ATXN8OS: variants seen among roughly 807,000 people sequenced by gnomAD.
ATXN8OS encodes the protein ATXN8 opposite strand (non-protein coding).
chr13:70,157,036 G>A (rs1888945939), intron 4 of ATXN8OS, among the ~76,000 whole-genome samples: 1 of 152,002 alleles, frequency 6.6e-6, no homozygotes, highest in Admixed American at 6.6e-5. Flanking sequence ...TATAATAATA[G>A]AGACAAAAGA....
chr13:70,110,507 CAA>C (rs1280059096), intron 1 of ATXN8OS, among the ~76,000 whole-genome samples: 2 of 126,206 alleles, frequency 1.6e-5, no homozygotes, highest in African/African-American at 6.1e-5. Context: ...GAAAATAAAA[CAA>C]GAAAAAAAAA....
intron 4 of ATXN8OS, among the ~76,000 whole-genome samples, chr13:70,166,234 C>G (rs1889073766): frequency 6.6e-6 from 1 of 151,932 alleles, no homozygotes; most frequent in Admixed American, 6.6e-5. Flanking sequence ...AAGAACAAAC[C>G]AGGAGGCATC....
intron 4 of ATXN8OS, among the ~76,000 whole-genome samples, chr13:70,159,316 T>C (rs1356616675): frequency 6.6e-6 from 1 of 152,054 alleles, no homozygotes; most frequent in Non-Finnish European, 1.5e-5. Flanking sequence ...GCTTTTTTAT[T>C]ATTGCTAGTG....
Position 70,160,856 on chromosome 13 carries a change from A to T in ATXN8OS, n.574-8897A>T, listed in dbSNP as rs1280128233. ...ATATATATAAATATATTTATATTTT[A>T]TGTCTCTTTATTCAAAATATACCTA... is the stretch of plus-strand genomic sequence containing the variant. On this transcript the variant is annotated intron_variant and non_coding_transcript_variant, in intron 4 of 4. Coordinates refer to ENST00000678624, the Ensembl canonical transcript of ATXN8OS. Among the ~76,000 whole-genome samples the T allele has an allele frequency of 2.8e-5, 4 of 143,154 alleles. No homozygotes were observed. In the Admixed American group the frequency reaches 2.8e-4, roughly 10 times the overall value. 93.9% of individuals were successfully genotyped at this position (143,154 alleles called of 152,430 possible).
At chr13:70,137,916 C>G (rs1888639924) in intron 3 of ATXN8OS, among the ~76,000 whole-genome samples, 1 of 152,146 alleles carries the variant, frequency 6.6e-6, no homozygotes, top group South Asian at 2.1e-4. Flanking sequence ...AACTTACAAA[C>G]AAGACAGAAA....
At chr13:70,164,048 T>G (rs1025235395) in intron 4 of ATXN8OS, among the ~76,000 whole-genome samples, 1 of 16,780 alleles carries the variant, frequency 6.0e-5, no homozygotes, top group Non-Finnish European at 1.3e-4. Context: ...AGCTGGAAGT[T>G]TTTATTCTTA....
chr13:70,144,797 G>A (rs1481109388), intron 3 of ATXN8OS, among the ~76,000 whole-genome samples: 2 of 152,012 alleles, frequency 1.3e-5, no homozygotes, highest in Admixed American at 6.6e-5. Context: ...CCACTCCTAT[G>A]TTTTCTTCCA....
chr13:70,169,451 C>T (rs1305115090), intron 4 of ATXN8OS, among the ~76,000 whole-genome samples: 9 of 151,912 alleles, frequency 5.9e-5, no homozygotes, highest in South Asian at 4.1e-4. Flanking sequence ...CTCCTGCCAC[C>T]GCCCCCAGTA....
At chr13:70,163,191 T>C (rs1298569767) in intron 4 of ATXN8OS, among the ~76,000 whole-genome samples, 2 of 152,124 alleles carry the variant, frequency 1.3e-5, no homozygotes, top group African/African-American at 4.8e-5. Context: ...AAGAGTTAGC[T>C]CATTTAATAA....
intron 3 of ATXN8OS, among the ~76,000 whole-genome samples, chr13:70,144,257 T>G (rs1205664885): frequency 6.6e-6 from 1 of 152,142 alleles, no homozygotes; most frequent in Non-Finnish European, 1.5e-5. Flanking sequence ...CCGTTTACAT[T>G]TCGCATAAAT....
intron 4 of ATXN8OS, among the ~76,000 whole-genome samples, chr13:70,158,076 A>G (rs1044697624): frequency 3.9e-5 from 6 of 152,176 alleles, no homozygotes; most frequent in African/African-American, 1.4e-4. Context: ...GATTGTGTGT[A>G]AAGCCGCTAG....
chr13:70,168,592 C>A (rs1889106768), intron 4 of ATXN8OS, among the ~76,000 whole-genome samples: 2 of 109,666 alleles, frequency 1.8e-5, no homozygotes, highest in Admixed American at 2.0e-4. Context: ...TCTGTGACAT[C>A]ATTTTTTTTT....
At chr13:70,166,638 G>A (rs931174154) in intron 4 of ATXN8OS, among the ~76,000 whole-genome samples, 4 of 152,084 alleles carry the variant, frequency 2.6e-5, no homozygotes, top group East Asian at 1.9e-4. Flanking sequence ...AACACCAAAA[G>A]CAATGGCAAC....
chr13:70,127,700 T>G lies in ATXN8OS; in HGVS notation n.399-2084T>G, dbSNP rs1161770341. ...TTTTTCTTTGCCTCATAGAGCATAG[T>G]GAAAATTTTGTGGGTGTAGTTAGAG... On this transcript the variant is annotated intron_variant and non_coding_transcript_variant, in intron 2 of 4. Transcript: ENST00000678624. Among the ~76,000 whole-genome samples the G allele has an allele frequency of 3.3e-5, 5 of 151,380 alleles. No homozygotes were observed. In the East Asian group the frequency reaches 9.8e-4, roughly 30 times the overall value.
intron 4 of ATXN8OS, among the ~76,000 whole-genome samples, chr13:70,167,890 C>T (rs1889097314): frequency 6.6e-6 from 1 of 151,860 alleles, no homozygotes; most frequent in Non-Finnish European, 1.5e-5. Flanking sequence ...CGTGTGCCGC[C>T]ACTCCTGACT....
chr13:70,159,307 CTTTT>C (rs534248492), intron 4 of ATXN8OS, among the ~76,000 whole-genome samples: 1 of 151,606 alleles, frequency 6.6e-6, no homozygotes, highest in East Asian at 1.9e-4. Context: ...TTTGTAGATG[CTTTT>C]TTATTATTGC....
chr13:70,113,722 A>C (rs1479694708), intron 1 of ATXN8OS, among the ~76,000 whole-genome samples: 3 of 152,132 alleles, frequency 2.0e-5, no homozygotes, highest in African/African-American at 4.8e-5. Context: ...GAGACTTTAA[A>C]ATATTTTCTC....
intron 3 of ATXN8OS, among the ~76,000 whole-genome samples, chr13:70,130,189 T>C (rs1027245448): frequency 2.6e-5 from 4 of 152,204 alleles, no homozygotes; most frequent in Non-Finnish European, 5.9e-5. Context: ...TATGTTGCGA[T>C]ACACTAAACA....
At chr13:70,143,467 G>T (rs1215596461) in intron 3 of ATXN8OS, among the ~76,000 whole-genome samples, 1 of 152,022 alleles carries the variant, frequency 6.6e-6, no homozygotes, top group Admixed American at 6.6e-5. Context: ...CTGGTGTTCT[G>T]TGCTCACGTC....
Sources: allele counts gnomAD v4.1 joint callset (sites outside exome capture counted in the v4.1 genomes callset), GRCh38; gene constraint gnomAD v4.1.1; transcripts MANE v1.5; gene names NCBI Gene and HGNC (gene_info 2026-07-23, HGNC 2026-07-21).